The following FOXJ3 variants were observed in gnomAD, a reference collection of about 807,000 sequenced individuals.
FOXJ3 encodes the protein forkhead box protein J3.
A neutral mutation model predicts 76.1 loss-of-function variants in FOXJ3; 22 were observed. The ratio of observed to expected loss-of-function variants is 0.29; its 90% CI spans 0.21 to 0.41. The LOEUF (loss-of-function observed/expected upper bound fraction) is 0.41, where lower values mean the gene tolerates loss of function less well. Among genes scored for constraint, FOXJ3 ranks in the 10% least tolerant of loss-of-function variants. The pLI is 1.00. For missense variants in FOXJ3, 613 were observed against 762.1 expected (o/e 0.80, Z 2.30); for synonymous variants, 269 against 261.2 (o/e 1.03, Z -0.29).
At chr1:42,254,565 C>T (rs1431707102) in intron 4 of FOXJ3, among the ~76,000 whole-genome samples, 1 of 147,618 alleles carries the variant, frequency 6.8e-6, no homozygotes, top group African/African-American at 2.5e-5. Context: ...GGAACCAACC[C>T]AAATGTCCAA....
intron 3 of FOXJ3, among the ~76,000 whole-genome samples, chr1:42,271,434 A>T (rs1243149704): frequency 6.6e-6 from 1 of 152,080 alleles, no homozygotes; most frequent in Non-Finnish European, 1.5e-5. Context: ...CCCTAGGGGT[A>T]GTTATATTAA....
intron 4 of FOXJ3, among the ~76,000 whole-genome samples, chr1:42,254,025 C>G (rs1259628350): frequency 1.3e-5 from 2 of 151,320 alleles, no homozygotes; most frequent in African/African-American, 4.9e-5. Context: ...AGTGAACAGG[C>G]AACCTACAAA....
intron 1 of FOXJ3, among the ~76,000 whole-genome samples, chr1:42,321,056 G>A (rs938069840): frequency 3.3e-5 from 5 of 152,110 alleles, no homozygotes; most frequent in South Asian, 2.1e-4. Flanking sequence ...TAAAGCCTCC[G>A]CTGCCAGAGA....
chr1:42,252,989 A>G (rs1650226992), intron 4 of FOXJ3, among the ~76,000 whole-genome samples: 1 of 151,406 alleles, frequency 6.6e-6, no homozygotes, highest in Non-Finnish European at 1.5e-5. Flanking sequence ...AAGGAAATAA[A>G]GGGTATTCAA....
intron 2 of FOXJ3, among the ~76,000 whole-genome samples, chr1:42,300,124 C>T (rs1455946635): frequency 6.6e-6 from 1 of 151,930 alleles, no homozygotes; most frequent in Non-Finnish European, 1.5e-5. Flanking sequence ...CACTTGTACC[C>T]GGGAGGCAGA....
intron 2 of FOXJ3, among the ~76,000 whole-genome samples, chr1:42,307,797 C>T (rs943248544): frequency 3.3e-5 from 5 of 152,126 alleles, no homozygotes; most frequent in Non-Finnish European, 7.4e-5. Flanking sequence ...CATATAATAT[C>T]TACTGGTATA....
intron 4 of FOXJ3, among the ~76,000 whole-genome samples, chr1:42,254,400 A>G (rs1650391891): frequency 6.8e-6 from 1 of 147,586 alleles, no homozygotes; most frequent in South Asian, 2.3e-4. Flanking sequence ...TGTGGAAGTC[A>G]GTGTGGCGAT....
At chr1:42,286,177 A>G (rs1193497475) in intron 2 of FOXJ3, among the ~76,000 whole-genome samples, 4 of 152,250 alleles carry the variant, frequency 2.6e-5, no homozygotes, top group Admixed American at 1.3e-4. Flanking sequence ...CATGTAATGT[A>G]AAATAAATTT....
At chr1:42,202,111 G>GT (rs1373648119) in intron 6 of FOXJ3, among the ~76,000 whole-genome samples, 2 of 151,820 alleles carry the variant, frequency 1.3e-5, no homozygotes, top group Admixed American at 6.6e-5. Flanking sequence ...GCACCTTTCT[G>GT]TTTTTTCATT....
intron 3 of FOXJ3, among the ~76,000 whole-genome samples, chr1:42,273,279 T>C (rs1460893465): frequency 6.6e-6 from 1 of 152,208 alleles, no homozygotes; most frequent in African/African-American, 2.4e-5. Context: ...GTAGCTCCCT[T>C]AGGCCCTGTG....
chr1:42,223,621 G>GCC (rs1376405702), intron 5 of FOXJ3, among the ~76,000 whole-genome samples: 1 of 152,110 alleles, frequency 6.6e-6, no homozygotes, highest in Admixed American at 6.5e-5. Flanking sequence ...TTCCTTAGAG[G>GCC]CCTTCCCAGA....
intron 5 of FOXJ3, among the ~76,000 whole-genome samples, chr1:42,212,749 C>G (rs1247585747): frequency 6.6e-6 from 1 of 151,824 alleles, no homozygotes; most frequent in Non-Finnish European, 1.5e-5. Flanking sequence ...AAGGACATCA[C>G]CAAAGGCATG....
chr1:42,188,423 G>T (rs1440624496), intron 11 of FOXJ3, among the ~76,000 whole-genome samples: 1 of 152,100 alleles, frequency 6.6e-6, no homozygotes, highest in African/African-American at 2.4e-5. Context: ...TCATAATTAT[G>T]TTCCTATAAA....
At position 42,327,212 on chromosome 1, in the gene FOXJ3, C is replaced by T. The variant is rs779320432; in HGVS notation, c.-18+7847G>A. Among the ~76,000 whole-genome samples, 24 of 152,348 alleles carry T rather than the reference C, an allele frequency of 1.6e-4. No individual in the cohort carries two copies. In the East Asian group the frequency reaches 1.7e-3, roughly 11 times the overall value. On this transcript the variant is annotated intron_variant, in intron 1 of 12. Coordinates refer to ENST00000361346, the MANE Select transcript of FOXJ3 (RefSeq NM_014947.5). The stretch of plus-strand genomic sequence containing the variant: ...CATTTCTGATGGTGACGGCTACCCA[C>T]GTATACACAGTGGGACAATACCATC...
chr1:42,219,397 T>C (rs2124408984), intron 5 of FOXJ3, among the ~76,000 whole-genome samples: 1 of 152,320 alleles, frequency 6.6e-6, no homozygotes, highest in Non-Finnish European at 1.5e-5. Flanking sequence ...TAGGTATGCC[T>C]GTTTAGGAAA....
intron 4 of FOXJ3, among the ~76,000 whole-genome samples, chr1:42,245,738 T>C (rs1057233810): frequency 1.3e-5 from 2 of 152,158 alleles, no homozygotes; most frequent in African/African-American, 4.8e-5. Context: ...TGGAACTTTT[T>C]CCTCTAAAAG....
At chr1:42,331,842 G>T (rs1656184441) in intron 1 of FOXJ3, among the ~76,000 whole-genome samples, 1 of 150,906 alleles carries the variant, frequency 6.6e-6, no homozygotes, top group African/African-American at 2.4e-5. Flanking sequence ...AAAAAAAAAA[G>T]AATAAAAGTT....
chr1:42,199,883 A>G (rs1646725483), intron 6 of FOXJ3, among the ~76,000 whole-genome samples: 1 of 151,854 alleles, frequency 6.6e-6, no homozygotes, highest in East Asian at 1.9e-4. Flanking sequence ...TAAGTATTAT[A>G]ATTTTTAATT....
chr1:42,332,716 TA>T (rs1388177411), intron 1 of FOXJ3, among the ~76,000 whole-genome samples: 1 of 152,232 alleles, frequency 6.6e-6, no homozygotes, highest in Non-Finnish European at 1.5e-5. Context: ...TAAACTCATT[TA>T]TTATTATTCA....
Sources: gnomAD v4.1 joint callset for allele counts (sites outside exome capture counted in the v4.1 genomes callset) on GRCh38, gnomAD v4.1.1 for gene constraint, MANE v1.5 for transcripts, NCBI Gene and HGNC (gene_info 2026-07-23, HGNC 2026-07-21) for gene names.